Variants in PHEX observed in about 807,000 individuals in gnomAD.
The protein encoded by PHEX is phosphate-regulating neutral endopeptidase PHEX.
In PHEX, 16 loss-of-function variants were observed where a neutral mutation model predicts 68.0. The ratio of observed to expected loss-of-function variants is 0.24; its 90% confidence interval spans 0.16 to 0.36. The LOEUF (loss-of-function observed/expected upper bound fraction) is 0.36, where lower values mean the gene tolerates loss of function less well. Ranked by LOEUF, PHEX falls within the 10% of genes least tolerant of loss-of-function variation. The pLI is 1.00. For missense variants in PHEX, 480 were observed against 575.5 expected (o/e 0.83, Z 1.70); for synonymous variants, 208 against 205.1 (o/e 1.01, Z -0.12).
At chrX:22,234,859 C>T (rs1569438146) in intron 20 of PHEX, among the ~76,000 whole-genome samples, 1 of 106,626 alleles carries the variant, frequency 9.4e-6, no homozygotes, top group African/African-American at 3.5e-5. Flanking sequence ...AGAAAAACAA[C>T]AACAATGAAA....
intron 3 of PHEX, among the ~76,000 whole-genome samples, chrX:22,075,285 C>CTT (rs1164944990): frequency 0.012 from 751 of 62,285 alleles, 20 homozygotes; most frequent in Non-Finnish European, 0.016. Flanking sequence ...CTCTGGGTTG[C>CTT]TTTTTTTTTT....
intron 20 of PHEX, among the ~76,000 whole-genome samples, chrX:22,240,940 C>T (rs770275964): frequency 8.9e-6 from 1 of 112,296 alleles, no homozygotes; most frequent in Non-Finnish European, 1.9e-5. Context: ...ATCTACAGAA[C>T]TGTCCATCCC....
intron 7 of PHEX, among the ~76,000 whole-genome samples, 198 bp downstream of exon 7, chrX:22,094,297 T>C (rs1227939805): frequency 8.9e-6 from 1 of 112,399 alleles, no homozygotes; most frequent in Non-Finnish European, 1.9e-5. Context: ...ACAAGGACTG[T>C]GACAGAAAAG....
At chrX:22,128,081 C>T (rs1337817157) in intron 11 of PHEX, among the ~76,000 whole-genome samples, 10 of 111,783 alleles carry the variant, frequency 8.9e-5, no homozygotes, top group Non-Finnish European at 1.9e-5. Context: ...TATTTAGAGA[C>T]GGAATCTTGC....
intron 2 of PHEX, among the ~76,000 whole-genome samples, chrX:22,041,538 C>G (rs755925802): frequency 7.6e-4 from 83 of 109,156 alleles, no homozygotes; most frequent in Admixed American, 7.5e-3. Context: ...CCAGGCAACT[C>G]TTTTTGGCCC....
chrX:22,147,155 T>A (rs1308168157), intron 12 of PHEX, among the ~76,000 whole-genome samples: 1 of 112,137 alleles, frequency 8.9e-6, no homozygotes, highest in Non-Finnish European at 1.9e-5. Context: ...TTCTTTTGTT[T>A]TTTTTTGTTA....
At chrX:22,222,576 T>TAATA (rs1178884075) in intron 18 of PHEX, among the ~76,000 whole-genome samples, 2 of 111,747 alleles carry the variant, frequency 1.8e-5, no homozygotes, top group Non-Finnish European at 3.8e-5. Flanking sequence ...GATCGTTAGT[T>TAATA]AATATTCCTG....
intron 15 of PHEX, among the ~76,000 whole-genome samples, chrX:22,195,321 T>C (rs1360482930): frequency 6.3e-5 from 7 of 111,887 alleles, no homozygotes; most frequent in African/African-American, 1.9e-4. Flanking sequence ...AGGCCGGGCA[T>C]GGTGGCTCAC....
chrX:22,101,747 T>C lies in PHEX; in HGVS notation c.1079+2596T>C, dbSNP rs745692422. Among the ~76,000 whole-genome samples the C allele has an allele frequency of 4.5e-5, 5 of 111,569 alleles. No individual in the cohort carries two copies. The South Asian group carries it at 1.5e-3, about 34-fold the overall frequency. ...ATAATCCATAAGCCAGAACTCAGTC[T>C]TGTGACTCATCTAGCTGTAGGGGAG... is the stretch of plus-strand genomic sequence containing the variant. On this transcript the variant is annotated intron_variant, in intron 9 of 21. Transcript: ENST00000379374.
At position 22,220,845 on chromosome X, in the gene PHEX, T is replaced by C. The variant is rs574610753; in HGVS notation, c.1769-768T>C. 7.1e-5 allele frequency among the ~76,000 whole-genome samples: 8 copies of C among 112,225 alleles called. No individual in the cohort carries two copies. The South Asian group carries it at 2.6e-3, about 36-fold the overall frequency. Reference sequence around the variant, plus strand: ...TTGTAAGCTCTCTGTATAATTAAATTTAAACGATGCCTCTGATTCTCATAG... The same window carrying C: ...TTGTAAGCTCTCTGTATAATTAAATCTAAACGATGCCTCTGATTCTCATAG... On this transcript the variant is annotated intron_variant, in intron 17 of 21. Coordinates refer to ENST00000379374, the MANE Select transcript of PHEX (RefSeq NM_000444.6).
rs1210999086 is a variant in PHEX at position 22,108,831 on chromosome X, A to C, written c.1080-2636A>C. 3.1e-4 allele frequency among the ~76,000 whole-genome samples: 34 copies of C among 109,182 alleles called. No individual in the cohort carries two copies. In the Admixed American group the frequency reaches 3.3e-3, roughly 11 times the overall value. 94.8% of individuals were successfully genotyped at this position (109,182 alleles called of 115,157 possible). On this transcript the variant is annotated intron_variant, in intron 9 of 21. Coordinates refer to ENST00000379374, the MANE Select transcript of PHEX (RefSeq NM_000444.6). ...GTGGCGGGCATGTGTAATCCCAGCT[A>C]CTTGGGAGGCTGAGGCAGGAGAATT...
rs781248973 is a variant in PHEX, at chrX:22,178,306, G to A, written c.1516G>A (p.Val506Ile). The change falls in exon 14 of 22, where the codon GTC (valine) becomes ATC (isoleucine). Residue 506 changes from valine (V) to isoleucine (I), a missense_variant. Transcript: ENST00000379374. ...KFSEADYFGN[V>I]LQTRKYLAQS... ...TTCAGAAGCCGACTACTTTGGCAAC[G>A]TCCTACAAACTCGCAAGTATTTAGC... is the stretch of plus-strand genomic sequence containing the variant. The A allele has an allele frequency of 6.6e-5, 79 of 1,202,083 alleles. No individual in the cohort carries two copies. Among genetic ancestry groups the A allele is most frequent in the Non-Finnish European group, 8.5e-5 (76 of 889,117 alleles).
intron 20 of PHEX, among the ~76,000 whole-genome samples, chrX:22,234,810 T>C (rs1224157468): frequency 1.3e-5 from 1 of 76,863 alleles, no homozygotes. Flanking sequence ...CCAGCACCAG[T>C]GGGGTATCAA....
rs754811684 is a variant in PHEX at position 22,075,491 on chromosome X, C to A, written c.350-897C>A. Among the ~76,000 whole-genome samples, 37 of 110,836 alleles carry A rather than the reference C, an allele frequency of 3.3e-4. No individual in the cohort carries two copies. In the South Asian group the frequency reaches 0.013, roughly 40 times the overall value. On this transcript the variant is annotated intron_variant, in intron 3 of 21. Coordinates refer to ENST00000379374, the MANE Select transcript of PHEX (RefSeq NM_000444.6). ...CAAATGCCTTGACAAGGCAGTTTGA[C>A]ATAGTTCGGTGAAGGCAGTGCCCTG...
chrX:22,137,492 T>C (rs986053284), intron 12 of PHEX, among the ~76,000 whole-genome samples: 1 of 111,471 alleles, frequency 9.0e-6, no homozygotes, highest in African/African-American at 3.3e-5. Flanking sequence ...GAGAGTTTTC[T>C]TGCAGAGGGC....
At position 22,113,943 on chromosome X, in the gene PHEX, CTT is replaced by C. The variant is rs746349559; in HGVS notation, c.1174-493_1174-492del. ...TAAATCACTTTCTTTTCTTCTTCTT[CTT>C]TTTTTTTTTTTTTTTTTTTTTCCAG... On this transcript the variant is annotated intron_variant, in intron 10 of 21. Coordinates refer to ENST00000379374, the MANE Select transcript of PHEX (RefSeq NM_000444.6). 3.3e-3 allele frequency among the ~76,000 whole-genome samples: 208 copies of C among 63,975 alleles called. 4 individuals carry two copies. The highest frequency in any genetic ancestry group is 0.011 in the African/African-American group (176 of 16,697). The allele number at this position is 63,975 out of a possible 115,157, so 55.6% of individuals were successfully genotyped here. A position where few individuals can be genotyped will look rare whatever the true frequency, so the allele number is the denominator to read the frequency against.
chrX:22,205,014 A>G (rs1934666865), intron 15 of PHEX, among the ~76,000 whole-genome samples: 1 of 112,379 alleles, frequency 8.9e-6, no homozygotes, highest in Non-Finnish European at 1.9e-5. Context: ...GACAAAACTA[A>G]TAATGCAACA....
intron 20 of PHEX, 110 bp from the exon 21 acceptor site, chrX:22,245,223 T>C (rs112673965): frequency 3.0e-5 from 18 of 599,700 alleles, no homozygotes; most frequent in African/African-American, 2.4e-4. Flanking sequence ...AAACTGTTTG[T>C]CATCCATTGG....
At chrX:22,066,282 GC>G (rs1023174285) in intron 3 of PHEX, among the ~76,000 whole-genome samples, 6 of 112,017 alleles carry the variant, frequency 5.4e-5, no homozygotes, top group African/African-American at 1.9e-4. Context: ...TGCTTTACAG[GC>G]CCCATCATGT....
Sources: gnomAD v4.1 joint callset for allele counts (sites outside exome capture counted in the v4.1 genomes callset) on GRCh38, gnomAD v4.1.1 for gene constraint, MANE v1.5 for transcripts, NCBI Gene and HGNC (gene_info 2026-07-23, HGNC 2026-07-21) for gene names.